DSTN: variants seen among roughly 807,000 people sequenced by gnomAD.
DSTN encodes destrin, actin depolymerizing factor.
In DSTN, 10 loss-of-function variants were observed where a neutral mutation model predicts 16.8. The observed-to-expected ratio is 0.60, with a 90% CI of 0.37 to 1.01. DSTN has a LOEUF of 1.01. Ranked by LOEUF, DSTN falls within the 50% of genes least tolerant of loss-of-function variation. DSTN has a pLI of 0.01. For synonymous variants in DSTN, 57 were observed against 58.9 expected (o/e 0.97, Z 0.14); for missense variants, 141 against 196.7 (o/e 0.72, Z 1.69).
At chr20:17,605,642 A>C (rs1570154) in intron 3 of DSTN, among the ~76,000 whole-genome samples, 151,392 of 152,296 alleles carry the variant, frequency 0.99, 75,252 homozygotes, top group Middle Eastern at 1. Flanking sequence ...ATGTTTGGCA[A>C]CCCCCAGAAG....
chr20:17,606,635 T>G (rs2035646081), intron 3 of DSTN, among the ~76,000 whole-genome samples: 1 of 152,220 alleles, frequency 6.6e-6, no homozygotes. Flanking sequence ...GTGAACATAA[T>G]GGTTATTTCT....
At chr20:17,574,870 G>GTTTTTTTTTTTTTTTTTTTTT (rs533880691) in intron 1 of DSTN, among the ~76,000 whole-genome samples, 2 of 81,158 alleles carry the variant, frequency 2.5e-5, no homozygotes, top group African/African-American at 9.9e-5. Context: ...CTTTTCTTTT[G>GTTTTTTTTTTTTTTTTTTTTT]TTTTTTTTTT....
intron 1 of DSTN, among the ~76,000 whole-genome samples, chr20:17,594,821 A>G (rs145125266): frequency 2.9e-4 from 44 of 152,342 alleles, no homozygotes; most frequent in African/African-American, 9.9e-4. Flanking sequence ...ATAATGGAGG[A>G]GTTGCTAAGA....
rs960403350 is a variant in DSTN, at chr20:17,608,704, A to G, written c.*1558A>G. 3 of 152,056 alleles carry G rather than the reference A, an allele frequency of 2.0e-5. No individual in the cohort carries two copies. The highest frequency in any genetic ancestry group is 1.9e-4 in the East Asian group (1 of 5,200). 9.4% of individuals were successfully genotyped at this position (152,056 alleles called of 1,614,324 possible). A position where few individuals can be genotyped will look rare whatever the true frequency, so the allele number is the denominator to read the frequency against. On this transcript the variant is annotated 3_prime_UTR_variant, in exon 4 of 4. Coordinates refer to ENST00000246069, the MANE Select transcript of DSTN (RefSeq NM_006870.4). ...GAACGTTTTCAATGTTTATTACACT[A>G]TAAGTGTAATAAATATTATACAAAA...
At chr20:17,588,361 C>T (rs2035433499) in intron 1 of DSTN, among the ~76,000 whole-genome samples, 1 of 152,164 alleles carries the variant, frequency 6.6e-6, no homozygotes, top group African/African-American at 2.4e-5. Context: ...ACTTCTGCCC[C>T]ACCTAAAATG....
At chr20:17,589,652 T>C (rs1306328752) in intron 1 of DSTN, among the ~76,000 whole-genome samples, 1 of 152,242 alleles carries the variant, frequency 6.6e-6, no homozygotes, top group Non-Finnish European at 1.5e-5. Flanking sequence ...AGCCCAAATA[T>C]TTTGTCATTA....
intron 2 of DSTN, 102 bp downstream of exon 2, chr20:17,601,147 G>A (rs1873023925): frequency 8.8e-6 from 12 of 1,358,982 alleles, no homozygotes; most frequent in Non-Finnish European, 1.2e-5. Context: ...ACTATTTGCA[G>A]TTGTTGTCAT....
intron 1 of DSTN, among the ~76,000 whole-genome samples, chr20:17,570,959 C>T (rs1272067547): frequency 6.6e-6 from 1 of 152,158 alleles, no homozygotes; most frequent in South Asian, 2.1e-4. Context: ...TCTGCCAGAA[C>T]TTGGTGCGCA....
chr20:17,570,328 G>A (rs2035183474), intron 1 of DSTN, 117 bp downstream of exon 1: 2 of 1,316,192 alleles, frequency 1.5e-6, no homozygotes, highest in South Asian at 3.5e-5. Flanking sequence ...GAGGGACCCG[G>A]TCCGGCTGCA....
chr20:17,574,865 C>CTTTTCT (rs1354147534), intron 1 of DSTN, among the ~76,000 whole-genome samples: 7 of 64,268 alleles, frequency 1.1e-4, no homozygotes, highest in African/African-American at 4.2e-4. Flanking sequence ...CTTTTCTTTT[C>CTTTTCT]TTTTGTTTTT....
chr20:17,579,721 T>A (rs1020185800), intron 1 of DSTN, among the ~76,000 whole-genome samples: 2 of 152,342 alleles, frequency 1.3e-5, no homozygotes, highest in East Asian at 1.9e-4. Context: ...GAAGCCAGAA[T>A]CATTTATTTA....
Position 17,577,741 on chromosome 20 carries a change from A to G in DSTN, c.3+7530A>G, listed in dbSNP as rs956403446. ...ATTTTTAAAAATTGAGAAATTTTAC[A>G]TATAAATTGTTTGAAATCCAGTATA... is the stretch of plus-strand genomic sequence containing the variant. On this transcript the variant is annotated intron_variant, in intron 1 of 3. Transcript: ENST00000246069. Among the ~76,000 whole-genome samples the G allele has an allele frequency of 4.6e-5, 7 of 152,318 alleles. No homozygotes were observed. The South Asian group carries it at 1.5e-3, about 32-fold the overall frequency.
At chr20:17,571,315 T>C (rs1453497331) in intron 1 of DSTN, among the ~76,000 whole-genome samples, 1 of 152,258 alleles carries the variant, frequency 6.6e-6, no homozygotes, top group East Asian at 1.9e-4. Flanking sequence ...TACCAGCTTA[T>C]CTGCATACAA....
At chr20:17,582,280 C>T (rs1276980974) in intron 1 of DSTN, among the ~76,000 whole-genome samples, 1 of 151,972 alleles carries the variant, frequency 6.6e-6, no homozygotes, top group East Asian at 1.9e-4. Context: ...GGTTTTCAAC[C>T]ATGTTGGCCA....
Position 17,608,677 on chromosome 20 carries a change from G to C in DSTN, c.*1531G>C, listed in dbSNP as rs910461796. 2 of 150,566 alleles carry C rather than the reference G, an allele frequency of 1.3e-5. No individual in the cohort carries two copies. Among genetic ancestry groups the C allele is most frequent in the Non-Finnish European group, 2.9e-5 (2 of 67,832 alleles). 9.3% of individuals were successfully genotyped at this position (150,566 alleles called of 1,614,324 possible). A position where few individuals can be genotyped will look rare whatever the true frequency, so the allele number is the denominator to read the frequency against. On this transcript the variant is annotated 3_prime_UTR_variant, in exon 4 of 4. Transcript: ENST00000246069. ...GAATAAGAAAGTTGGTGTAAAAGTTGGGAACGTTTTCAATGTTTATTACAC... is the reference window on the plus strand; with the variant it reads ...GAATAAGAAAGTTGGTGTAAAAGTTCGGAACGTTTTCAATGTTTATTACAC...
chr20:17,573,179 AT>A (rs1213443535), intron 1 of DSTN, among the ~76,000 whole-genome samples: 1 of 152,220 alleles, frequency 6.6e-6, no homozygotes, highest in Non-Finnish European at 1.5e-5. Flanking sequence ...TGAAATTGAT[AT>A]TCATTGATAG....
intron 1 of DSTN, among the ~76,000 whole-genome samples, chr20:17,580,743 C>T (rs376805588): frequency 6.8e-6 from 1 of 147,824 alleles, no homozygotes; most frequent in East Asian, 2.0e-4. Flanking sequence ...AGTGAAACTC[C>T]GTCTCAAAAA....
chr20:17,606,838 G>A (rs2035647961), intron 3 of DSTN, among the ~76,000 whole-genome samples, 199 bp from the exon 4 acceptor site: 1 of 152,178 alleles, frequency 6.6e-6, no homozygotes, highest in Non-Finnish European at 1.5e-5. Context: ...GATTCTTTCA[G>A]TGAATGCTGT....
At chr20:17,572,822 A>G (rs2035222464) in intron 1 of DSTN, among the ~76,000 whole-genome samples, 1 of 152,230 alleles carries the variant, frequency 6.6e-6, no homozygotes, top group African/African-American at 2.4e-5. Context: ...AGTACACAGA[A>G]TAACAGATCC....
Sources: allele counts gnomAD v4.1 joint callset (sites outside exome capture counted in the v4.1 genomes callset), GRCh38; gene constraint gnomAD v4.1.1; transcripts MANE v1.5; gene names NCBI Gene and HGNC (gene_info 2026-07-23, HGNC 2026-07-21).